CBLN2: variants seen among roughly 807,000 people sequenced by gnomAD.
The protein encoded by CBLN2 is cerebellin-2.
CBLN2 carries 7 observed loss-of-function variants against 15.0 expected under a neutral mutation model. The observed-to-expected ratio is 0.47, with a 90% CI of 0.27 to 0.88. CBLN2 has a LOEUF of 0.88. Among genes scored for constraint, CBLN2 ranks in the 40% least tolerant of loss-of-function variants. CBLN2 has a pLI of 0.14. For synonymous variants in CBLN2, 149 were observed against 135.2 expected, an observed-to-expected ratio of 1.10 and a Z score of -0.71; for missense variants, 242 against 304.5, an observed-to-expected ratio of 0.79 and a Z score of 1.53.
intron 1 of CBLN2, among the ~76,000 whole-genome samples, chr18:72,602,975 A>C (rs1199802477): frequency 6.6e-6 from 1 of 152,254 alleles, no homozygotes; most frequent in African/African-American, 2.4e-5. Context: ...GGAGGCAAAT[A>C]GAACACCATT....
intron 1 of CBLN2, among the ~76,000 whole-genome samples, chr18:72,562,599 A>C (rs1190490275): frequency 1.3e-5 from 2 of 152,196 alleles, no homozygotes; most frequent in Non-Finnish European, 2.9e-5. Context: ...AAATTGTGGA[A>C]GATTATTTTA....
chr18:72,616,912 T>C (rs533801709), intron 1 of CBLN2, among the ~76,000 whole-genome samples: 62 of 152,332 alleles, frequency 4.1e-4, no homozygotes, highest in African/African-American at 1.4e-3. Flanking sequence ...TCTTATGGTA[T>C]GTATGCAATA....
At position 72,544,154 on chromosome 18, in the gene CBLN2, TAA is replaced by T. The variant is rs34326318; in HGVS notation, c.-391_-390del. 210 of 130,736 alleles carry T rather than the reference TAA, an allele frequency of 1.6e-3. 1 individual carries two copies. Among genetic ancestry groups the T allele is most frequent in the African/African-American group, 5.1e-3 (185 of 36,474 alleles). 8.1% of individuals were successfully genotyped at this position (130,736 alleles called of 1,614,324 possible). ...GACAGGAGCGAAAAAAACAATAAGTTAAAAAAAAAAAAAAGAAGAAGAAGACT... is the reference window on the plus strand; with the variant it reads ...GACAGGAGCGAAAAAAACAATAAGTTAAAAAAAAAAAAGAAGAAGAAGACT... On this transcript the variant is annotated 5_prime_UTR_variant, in exon 1 of 5. Transcript: ENST00000269503.
chr18:72,567,771 T>C (rs2069305422), intron 1 of CBLN2, among the ~76,000 whole-genome samples: 1 of 152,240 alleles, frequency 6.6e-6, no homozygotes, highest in Admixed American at 6.5e-5. Context: ...GCCTTCAGGC[T>C]CAGCTTAGGC....
At chr18:72,552,966 C>T (rs758784850) in intron 1 of CBLN2, among the ~76,000 whole-genome samples, 1 of 152,120 alleles carries the variant, frequency 6.6e-6, no homozygotes, top group Non-Finnish European at 1.5e-5. Flanking sequence ...TCCTATGTGT[C>T]TCTGTATTTT....
At chr18:72,637,184 C>T (rs562485466) in intron 1 of CBLN2, among the ~76,000 whole-genome samples, 150 of 151,812 alleles carry the variant, frequency 9.9e-4, no homozygotes, top group Non-Finnish European at 1.8e-3. Context: ...TTGTATTTTC[C>T]GCATATGTTT....
Position 72,541,688 on chromosome 18 carries a change from G to A in CBLN2, c.357+116C>T, listed in dbSNP as rs1256175804. 3 of 716,300 alleles carry A rather than the reference G, an allele frequency of 4.2e-6. No homozygotes were observed. In the African/African-American group the frequency reaches 5.5e-5, roughly 13 times the overall value. The allele number at this position is 716,300 out of a possible 1,614,324, so 44.4% of individuals were successfully genotyped here. ...GGAGGAAAGAGACTAGCAGGGCAGA[G>A]GGGGAGGACAGAGCCTGGGAACTCC... On this transcript the variant is annotated intron_variant, in intron 3 of 4. Coordinates refer to ENST00000269503, the MANE Select transcript of CBLN2 (RefSeq NM_182511.4).
At chr18:72,557,929 TA>T in intron 1 of CBLN2, among the ~76,000 whole-genome samples, 1 of 152,198 alleles carries the variant, frequency 6.6e-6, no homozygotes, top group East Asian at 1.9e-4. Flanking sequence ...ATATGTTTTT[TA>T]AAAAAGTAAG....
chr18:72,540,108 C>T (rs1168745099), intron 3 of CBLN2: 1 of 152,170 alleles, frequency 6.6e-6, no homozygotes, highest in Non-Finnish European at 1.5e-5. Context: ...AAGACAAACA[C>T]CTCGGGATGC....
intron 1 of CBLN2, among the ~76,000 whole-genome samples, chr18:72,606,684 C>T (rs901038702): frequency 6.6e-6 from 1 of 152,172 alleles, no homozygotes; most frequent in African/African-American, 2.4e-5. Flanking sequence ...AGAAACAGGG[C>T]ACAACAGAAC....
intron 3 of CBLN2, chr18:72,539,955 A>G (rs1174340951): frequency 6.6e-6 from 1 of 152,250 alleles, no homozygotes; most frequent in African/African-American, 2.4e-5. Flanking sequence ...TGCAGTTCCC[A>G]GCGCAATGTG....
At chr18:72,583,565 A>C (rs1477154326) in intron 1 of CBLN2, among the ~76,000 whole-genome samples, 1 of 152,170 alleles carries the variant, frequency 6.6e-6, no homozygotes. Context: ...TAAAAACATT[A>C]ATTTCATAGA....
chr18:72,569,211 T>A (rs1298775935), intron 1 of CBLN2, among the ~76,000 whole-genome samples: 1 of 152,194 alleles, frequency 6.6e-6, no homozygotes, highest in Non-Finnish European at 1.5e-5. Context: ...AATTTTATTC[T>A]TTTTAAAAAT....
Position 72,538,150 on chromosome 18 carries a change from C to A in CBLN2, c.*26G>T. The A allele has an allele frequency of 6.2e-7, 1 of 1,612,858 alleles. No homozygotes were observed. Among genetic ancestry groups the A allele is most frequent in the Non-Finnish European group, 8.5e-7 (1 of 1,178,952 alleles). ...GGAGTCCTGGGTCCAGTTTGCCATT[C>A]CCCCACCATCTAGGGGGCTCTGTGT... On this transcript the variant is annotated 3_prime_UTR_variant, in exon 5 of 5. Transcript: ENST00000269503.
chr18:72,565,827 C>T (rs1172507353), intron 1 of CBLN2, among the ~76,000 whole-genome samples: 1 of 152,096 alleles, frequency 6.6e-6, no homozygotes, highest in African/African-American at 2.4e-5. Flanking sequence ...TTACATTGAA[C>T]TCAAAAGCTC....
At chr18:72,569,110 G>T (rs1428961745) in intron 1 of CBLN2, among the ~76,000 whole-genome samples, 2 of 152,134 alleles carry the variant, frequency 1.3e-5, no homozygotes, top group African/African-American at 2.4e-5. Flanking sequence ...TACCACCGGA[G>T]TCGTTACCAC....
chr18:72,618,246 G>A (rs1027431830), intron 1 of CBLN2: 7 of 273,714 alleles, frequency 2.6e-5, no homozygotes, highest in Non-Finnish European at 4.3e-5. Flanking sequence ...CATTGTTAAA[G>A]TCTCTCTTTC....
intron 1 of CBLN2, among the ~76,000 whole-genome samples, chr18:72,587,665 GAAT>G (rs1383068198): frequency 2.6e-5 from 4 of 152,040 alleles, no homozygotes; most frequent in Non-Finnish European, 5.9e-5. Context: ...CATTACATTT[GAAT>G]AATGTCTCAC....
In CBLN2 at chr18:72,585,394, C is replaced by G. The variant is rs1359820264; in HGVS notation, c.16-46622G>C. 3.3e-5 allele frequency among the ~76,000 whole-genome samples: 5 copies of G among 152,178 alleles called. No homozygotes were observed. In the East Asian group the frequency reaches 9.6e-4, roughly 29 times the overall value. ...CCTTTACTGAGGACAGTACAGCTCT[C>G]AGAAGATTTGAAGTGGGTAGCTCGT... On this transcript the variant is annotated intron_variant, in intron 1 of 2. Coordinates refer to the CBLN2 transcript ENST00000581073.
Sources: allele counts gnomAD v4.1 joint callset (sites outside exome capture counted in the v4.1 genomes callset), GRCh38; gene constraint gnomAD v4.1.1; transcripts MANE v1.5; gene names NCBI Gene and HGNC (gene_info 2026-07-23, HGNC 2026-07-21).